RYR2: variants seen among roughly 807,000 people sequenced by gnomAD.
The protein encoded by RYR2 is ryanodine receptor 2.
RYR2 carries 227 observed loss-of-function variants against 601.1 expected under a neutral mutation model. That is an observed-to-expected ratio of 0.38 (90% CI 0.34 to 0.42). The LOEUF is 0.42. Ranked by LOEUF, RYR2 falls within the 10% of genes least tolerant of loss-of-function variation. The pLI is 1.00. For synonymous variants in RYR2, 2,223 were observed against 2,175.1 expected (o/e 1.02, Z -0.61); for missense variants, 4,646 against 6,156.5 (o/e 0.75, Z 8.21).
chr1:237,545,118 T>A (rs1669661514), intron 25 of RYR2, among the ~76,000 whole-genome samples: 1 of 152,216 alleles, frequency 6.6e-6, no homozygotes, highest in Admixed American at 6.5e-5. Context: ...TGTGAACAAA[T>A]TATTGGGCTA....
At chr1:237,640,497 C>T (rs183254483) in intron 46 of RYR2, among the ~76,000 whole-genome samples, 12 of 152,266 alleles carry the variant, frequency 7.9e-5, no homozygotes, top group African/African-American at 2.6e-4. Context: ...TACATGTGAC[C>T]TTGTATGCCA....
Position 237,180,394 on chromosome 1 carries a change from A to T in RYR2, c.49-90103A>T, listed in dbSNP as rs1678559609. Among the ~76,000 whole-genome samples, 1 of 151,804 alleles carries T rather than the reference A, an allele frequency of 6.6e-6. No homozygotes were observed. The highest frequency in any genetic ancestry group is 1.5e-5 in the Non-Finnish European group (1 of 67,986). ...ACATTTTCCCAGTGATTTGGGCCTG[A>T]TTTATCTCTTGATTGCTCTCTGGTA... is the stretch of plus-strand genomic sequence containing the variant. On this transcript the variant is annotated intron_variant, in intron 1 of 104. Transcript: ENST00000366574. The surrounding 1 kb of genome is among the most constrained non-coding windows in gnomAD (Gnocchi z 5.3).
chr1:237,306,202 A>T (rs1336581910), intron 2 of RYR2, among the ~76,000 whole-genome samples: 8 of 152,330 alleles, frequency 5.3e-5, no homozygotes, highest in African/African-American at 1.9e-4. Flanking sequence ...ACCATTTAAT[A>T]ATTTTCTATC....
rs539773199 is a variant in RYR2, at chr1:237,219,121, C to T, written c.49-51376C>T. 5.3e-5 allele frequency among the ~76,000 whole-genome samples: 8 copies of T among 151,334 alleles called. No homozygotes were observed. The East Asian group carries it at 1.6e-3, about 30-fold the overall frequency. On this transcript the variant is annotated intron_variant, in intron 1 of 104. Coordinates refer to ENST00000366574, the MANE Select transcript of RYR2 (RefSeq NM_001035.3). ...CTGCTTCCTGGGTTCAAGTGATTCT[C>T]CTGCCTCAGCCTCTCGAATAGCTGG... is the stretch of plus-strand genomic sequence containing the variant.
intron 100 of RYR2, among the ~76,000 whole-genome samples, chr1:237,814,330 G>A (rs548634781): frequency 4.6e-5 from 7 of 152,258 alleles, no homozygotes; most frequent in South Asian, 2.1e-4. Context: ...TCTCTTGAAC[G>A]TGTCCTTTCA....
chr1:237,199,010 C>G (rs1433077484), intron 1 of RYR2, among the ~76,000 whole-genome samples: 1 of 152,062 alleles, frequency 6.6e-6, no homozygotes, highest in Non-Finnish European at 1.5e-5. Context: ...AAATTATTGT[C>G]TGGTTAATCC....
At chr1:237,708,016 A>C (rs1194185938) in intron 68 of RYR2, among the ~76,000 whole-genome samples, 1 of 149,366 alleles carries the variant, frequency 6.7e-6, no homozygotes, top group Non-Finnish European at 1.5e-5. Context: ...TCCTGACCTC[A>C]GGTGATCCAC....
chr1:237,595,098 T>TAAAAC (rs931536744), intron 33 of RYR2, among the ~76,000 whole-genome samples: 7 of 147,664 alleles, frequency 4.7e-5, no homozygotes, highest in African/African-American at 1.5e-4. Flanking sequence ...GAACAAGTGG[T>TAAAAC]AAAACAAAAC....
chr1:237,255,743 C>G (rs1687894930), intron 1 of RYR2, among the ~76,000 whole-genome samples: 2 of 151,948 alleles, frequency 1.3e-5, no homozygotes, highest in African/African-American at 4.8e-5. Context: ...CTGACTATAT[C>G]AGTTCTTCTG....
chr1:237,189,709 T>G (rs1040175743), intron 1 of RYR2, among the ~76,000 whole-genome samples: 1 of 152,192 alleles, frequency 6.6e-6, no homozygotes, highest in African/African-American at 2.4e-5. Context: ...TCTGGCACAG[T>G]GAGGTCTCTA....
chr1:237,594,896 T>TG lies in RYR2; in HGVS notation c.4437-602_4437-601insG, dbSNP rs1675664124. On this transcript the variant is annotated intron_variant, in intron 33 of 104. Transcript: ENST00000366574. The stretch of plus-strand genomic sequence containing the variant: ...GGTTAATATCACTGGGTTTTTTTTT[T>TG]TTTTTTTTTTTTTTTTTTTTTTTTT... Among the ~76,000 whole-genome samples, 118 of 20,480 alleles carry TG rather than the reference T, an allele frequency of 5.8e-3. 2 individuals carry two copies. The highest frequency in any genetic ancestry group is 8.0e-3 in the African/African-American group (110 of 13,792). The allele number at this position is 20,480 out of a possible 152,430, so 13.4% of individuals were successfully genotyped here.
chr1:237,464,917 TAA>T (rs1659898691), intron 16 of RYR2, among the ~76,000 whole-genome samples: 1 of 152,236 alleles, frequency 6.6e-6, no homozygotes, highest in African/African-American at 2.4e-5. Context: ...TTTGCTGTTA[TAA>T]AGAGTGCTGT....
At chr1:237,049,228 C>A (rs1288663313) in intron 1 of RYR2, among the ~76,000 whole-genome samples, 3 of 152,172 alleles carry the variant, frequency 2.0e-5, no homozygotes, top group Non-Finnish European at 4.4e-5. Context: ...GTGATTAGGG[C>A]TGCCCAAAAG....
At chr1:237,547,291 C>G (rs1413080362) in intron 25 of RYR2, among the ~76,000 whole-genome samples, 1 of 152,114 alleles carries the variant, frequency 6.6e-6, no homozygotes. Context: ...CAGGTGTGAG[C>G]CACTGTGCCC....
At chr1:237,206,618 T>G (rs1362934267) in intron 1 of RYR2, among the ~76,000 whole-genome samples, 1 of 152,246 alleles carries the variant, frequency 6.6e-6, no homozygotes, top group Non-Finnish European at 1.5e-5. Context: ...ACTATTATAT[T>G]TATCTCATAA....
chr1:237,489,634 G>A (rs1663101751), intron 17 of RYR2, among the ~76,000 whole-genome samples: 1 of 152,130 alleles, frequency 6.6e-6, no homozygotes, highest in African/African-American at 2.4e-5. Flanking sequence ...TCCAGCCTGG[G>A]TAACAAAAGC....
intron 10 of RYR2, among the ~76,000 whole-genome samples, chr1:237,410,544 AT>A (rs961513993): frequency 1.3e-5 from 2 of 152,138 alleles, no homozygotes; most frequent in Non-Finnish European, 2.9e-5. Flanking sequence ...TGCAAATAAA[AT>A]TTTATTGTTA....
chr1:237,136,472 G>A (rs554281872), intron 1 of RYR2, among the ~76,000 whole-genome samples: 5 of 152,186 alleles, frequency 3.3e-5, no homozygotes, highest in South Asian at 4.2e-4. Flanking sequence ...CACCGACTGG[G>A]GTGTCAGAAT....
At chr1:237,316,200 T>A (rs138597978) in intron 2 of RYR2, among the ~76,000 whole-genome samples, 168 of 152,312 alleles carry the variant, frequency 1.1e-3, no homozygotes, top group Middle Eastern at 3.4e-3. Flanking sequence ...TTTGCTTGAT[T>A]TCCAGTATCA....
Sources: gnomAD v4.1 joint callset for allele counts (sites outside exome capture counted in the v4.1 genomes callset) on GRCh38, gnomAD v4.1.1 for gene constraint, Gnocchi (gnomAD v3.1) non-coding constraint, MANE v1.5 for transcripts, NCBI Gene and HGNC (gene_info 2026-07-23, HGNC 2026-07-21) for gene names.